Variants in SGCD observed in about 807,000 individuals in gnomAD.
The protein encoded by SGCD is sarcoglycan delta.
A neutral mutation model predicts 36.6 loss-of-function variants in SGCD; 18 were observed. That is an observed-to-expected ratio of 0.49 (90% CI 0.34 to 0.73). SGCD has a LOEUF of 0.73. SGCD is among the 30% of genes least tolerant of loss of function. The probability of loss-of-function intolerance (pLI) is 0.01; values close to 1 mark genes in which losing one functional copy is unlikely to be tolerated. For missense variants in SGCD, 387 were observed against 346.7 expected (o/e 1.12, Z -0.92); for synonymous variants, 133 against 130.6 (o/e 1.02, Z -0.12).
chr5:155,754,139 G>T, the SGCD span, among the ~76,000 whole-genome samples: 1 of 152,298 alleles, frequency 6.6e-6, no homozygotes, highest in Admixed American at 6.5e-5. Flanking sequence ...ATCATTTGGA[G>T]TCCTGAATTT....
intron 3 of SGCD, among the ~76,000 whole-genome samples, chr5:156,250,946 A>G (rs957318882): frequency 6.6e-6 from 1 of 152,206 alleles, no homozygotes; most frequent in African/African-American, 2.4e-5. Flanking sequence ...GAAAACACGC[A>G]TTGCTCTGGA....
chr5:155,729,563 G>A, the SGCD span, among the ~76,000 whole-genome samples: 46 of 152,216 alleles, frequency 3.0e-4, no homozygotes, highest in Non-Finnish European at 5.3e-4. Flanking sequence ...TTGATCCGCG[G>A]TGCGGTGCGG....
intron 6 of SGCD, among the ~76,000 whole-genome samples, chr5:156,618,380 G>A (rs951800291): frequency 2.6e-5 from 4 of 151,982 alleles, no homozygotes; most frequent in African/African-American, 7.3e-5. Context: ...ATTATTTACA[G>A]GAATACAGGA....
chr5:155,795,530 A>T, the SGCD span, among the ~76,000 whole-genome samples: 1 of 152,188 alleles, frequency 6.6e-6, no homozygotes, highest in Non-Finnish European at 1.5e-5. Context: ...TTTTTTACTA[A>T]TAACTTACTG....
intron 3 of SGCD, among the ~76,000 whole-genome samples, chr5:156,394,709 GAAATT>G (rs1015347170): frequency 4.6e-5 from 7 of 152,118 alleles, no homozygotes; most frequent in Non-Finnish European, 1.0e-4. Context: ...GATTTTAAAA[GAAATT>G]AAAACGTTTG....
At chr5:155,798,722 C>A in the SGCD span, among the ~76,000 whole-genome samples, 1 of 152,112 alleles carries the variant, frequency 6.6e-6, no homozygotes, top group Non-Finnish European at 1.5e-5. Flanking sequence ...GTCAAAGATG[C>A]TTTTGAAGGA....
chr5:155,745,542 A>G, the SGCD span, among the ~76,000 whole-genome samples: 1 of 152,114 alleles, frequency 6.6e-6, no homozygotes, highest in African/African-American at 2.4e-5. Flanking sequence ...GCCTTTACCA[A>G]TCTTTTATTT....
intron 3 of SGCD, among the ~76,000 whole-genome samples, chr5:156,204,793 AT>A (rs1251462402): frequency 1.3e-5 from 2 of 152,136 alleles, no homozygotes. Context: ...CAAGATCACA[AT>A]GAAATAGCAA....
chr5:156,134,759 G>A (rs1171364292), intron 3 of SGCD, among the ~76,000 whole-genome samples: 1 of 151,912 alleles, frequency 6.6e-6, no homozygotes, highest in Non-Finnish European at 1.5e-5. Flanking sequence ...ATGAGTTAAT[G>A]GGTGCAGCAC....
At chr5:156,301,510 G>A (rs144750592) in intron 3 of SGCD, among the ~76,000 whole-genome samples, 43 of 151,920 alleles carry the variant, frequency 2.8e-4, no homozygotes, top group East Asian at 1.5e-3. Context: ...GTTGATTTTC[G>A]TCTTTTCACT....
chr5:156,672,164 G>T (rs1012367231), intron 7 of SGCD, among the ~76,000 whole-genome samples: 1 of 152,300 alleles, frequency 6.6e-6, no homozygotes, highest in East Asian at 1.9e-4. Flanking sequence ...TCCCCAGAGA[G>T]AAATCCTAAT....
intron 6 of SGCD, among the ~76,000 whole-genome samples, chr5:156,607,897 T>A (rs1293299457): frequency 6.6e-6 from 1 of 152,162 alleles, no homozygotes; most frequent in Non-Finnish European, 1.5e-5. Flanking sequence ...TGATATCCCC[T>A]TTATCATTTT....
intron 1 of SGCD, among the ~76,000 whole-genome samples, chr5:156,091,738 G>A (rs530719367): frequency 1.4e-4 from 22 of 152,320 alleles, no homozygotes; most frequent in African/African-American, 4.6e-4. Flanking sequence ...AGATGGTCTG[G>A]TATTCGCCCA....
the SGCD span, among the ~76,000 whole-genome samples, chr5:155,841,165 T>C: frequency 1.1e-4 from 16 of 152,176 alleles, no homozygotes; most frequent in Non-Finnish European, 2.2e-4. Flanking sequence ...TGAAAATCAA[T>C]GGGCACAATG....
chr5:156,602,988 T>C (rs1761263180), intron 6 of SGCD, among the ~76,000 whole-genome samples: 1 of 152,030 alleles, frequency 6.6e-6, no homozygotes, highest in African/African-American at 2.4e-5. Flanking sequence ...TCTTCTCTGA[T>C]GTTATGGAAT....
At chr5:155,772,877 G>A in the SGCD span, among the ~76,000 whole-genome samples, 9 of 151,874 alleles carry the variant, frequency 5.9e-5, no homozygotes, top group South Asian at 4.2e-4. Flanking sequence ...AGACACTTCC[G>A]GTAGGGCAAG....
At chr5:156,516,609 C>A (rs1173869172) in intron 4 of SGCD, among the ~76,000 whole-genome samples, 1 of 152,204 alleles carries the variant, frequency 6.6e-6, no homozygotes, top group Non-Finnish European at 1.5e-5. Flanking sequence ...TGCCTCATCT[C>A]CTCCAAATGA....
the SGCD span, among the ~76,000 whole-genome samples, chr5:155,782,803 A>G: frequency 6.6e-6 from 1 of 152,172 alleles, no homozygotes; most frequent in Non-Finnish European, 1.5e-5. Flanking sequence ...TGTGCTCCTT[A>G]TGAGAATCTA....
intron 4 of SGCD, among the ~76,000 whole-genome samples, chr5:156,555,678 T>C (rs1452549464): frequency 1.3e-5 from 2 of 152,018 alleles, no homozygotes; most frequent in African/African-American, 2.4e-5. Flanking sequence ...GTTCTTTTTT[T>C]TTTTTCAAGG....
Sources: gnomAD v4.1 joint callset for allele counts (sites outside exome capture counted in the v4.1 genomes callset) on GRCh38, gnomAD v4.1.1 for gene constraint, MANE v1.5 for transcripts, NCBI Gene and HGNC (gene_info 2026-07-23, HGNC 2026-07-21) for gene names.